The following MYO6 variants were observed in gnomAD, a reference collection of about 807,000 sequenced individuals.
The protein encoded by MYO6 is unconventional myosin-VI.
A neutral mutation model predicts 178.7 loss-of-function variants in MYO6; 74 were observed. The ratio of observed to expected loss-of-function variants is 0.41; its 90% CI spans 0.34 to 0.50. MYO6 has a LOEUF of 0.50. Among genes scored for constraint, MYO6 ranks in the 20% least tolerant of loss-of-function variants. The pLI, the probability that MYO6 is intolerant of heterozygous loss-of-function variation, is 0.09. For missense variants in MYO6, 1,330 were observed against 1,547.4 expected, an observed-to-expected ratio of 0.86 and a Z score of 2.36; for synonymous variants, 477 against 504.6, an observed-to-expected ratio of 0.95 and a Z score of 0.73.
intron 7 of MYO6, among the ~76,000 whole-genome samples, chr6:75,838,897 T>C (rs1179741278): frequency 6.6e-6 from 1 of 151,948 alleles, no homozygotes; most frequent in South Asian, 2.1e-4. Context: ...CCTGACCCCA[T>C]GATCCGCCCA....
intron 1 of MYO6, among the ~76,000 whole-genome samples, chr6:75,806,033 G>T (rs924418344): frequency 6.6e-6 from 1 of 152,016 alleles, no homozygotes; most frequent in African/African-American, 2.4e-5. Context: ...AAAGAATTTT[G>T]TCATCTTTGG....
chr6:75,902,807 A>G (rs960407204), intron 30 of MYO6, among the ~76,000 whole-genome samples: 4 of 150,078 alleles, frequency 2.7e-5, no homozygotes, highest in African/African-American at 7.4e-5. Context: ...AGTTCTTTTA[A>G]TTGTGATGTT....
chr6:75,776,653 A>AGTGTGTAT (rs1554193717), intron 1 of MYO6, among the ~76,000 whole-genome samples: 5 of 144,660 alleles, frequency 3.5e-5, no homozygotes, highest in African/African-American at 1.3e-4. Flanking sequence ...AGAAACGTGC[A>AGTGTGTAT]GTGTGTGTGT....
chr6:75,904,079 G>A (rs1401371397), intron 30 of MYO6, among the ~76,000 whole-genome samples: 2 of 152,176 alleles, frequency 1.3e-5, no homozygotes, highest in Non-Finnish European at 2.9e-5. Context: ...GGCTTGTAGA[G>A]TTTCTGCCAA....
At chr6:75,799,978 T>C (rs1246953511) in intron 1 of MYO6, among the ~76,000 whole-genome samples, 1 of 152,184 alleles carries the variant, frequency 6.6e-6, no homozygotes, top group Non-Finnish European at 1.5e-5. Flanking sequence ...TTTAGGAGTT[T>C]CTAGGATCTT....
chr6:75,833,732 T>C (rs1411850283), intron 6 of MYO6, among the ~76,000 whole-genome samples: 1 of 152,208 alleles, frequency 6.6e-6, no homozygotes, highest in Non-Finnish European at 1.5e-5. Context: ...TACATTTTGT[T>C]TATCCATGCA....
At chr6:75,809,163 G>A (rs1770418121) in intron 1 of MYO6, among the ~76,000 whole-genome samples, 1 of 152,220 alleles carries the variant, frequency 6.6e-6, no homozygotes, top group African/African-American at 2.4e-5. Flanking sequence ...AAAAATGTTT[G>A]TAGCTATCTT....
intron 1 of MYO6, among the ~76,000 whole-genome samples, chr6:75,753,060 G>T (rs763861111): frequency 1.1e-4 from 16 of 152,030 alleles, no homozygotes; most frequent in Non-Finnish European, 1.6e-4. Flanking sequence ...ATGGTCTGTG[G>T]AATATCCCTT....
At chr6:75,797,472 G>A (rs1253036079) in intron 1 of MYO6, among the ~76,000 whole-genome samples, 1 of 152,012 alleles carries the variant, frequency 6.6e-6, no homozygotes, top group African/African-American at 2.4e-5. Flanking sequence ...TTTTCCTTTG[G>A]GTATATACCC....
intron 1 of MYO6, among the ~76,000 whole-genome samples, chr6:75,769,923 G>A (rs1562131829): frequency 6.6e-6 from 1 of 152,036 alleles, no homozygotes; most frequent in Non-Finnish European, 1.5e-5. Flanking sequence ...AAAGAATAGA[G>A]TTGAGTGCCT....
chr6:75,845,942 G>A (rs994661994), intron 10 of MYO6, among the ~76,000 whole-genome samples: 1 of 149,064 alleles, frequency 6.7e-6, no homozygotes, highest in Non-Finnish European at 1.5e-5. Context: ...AGTGGAGATC[G>A]CACCACTGTA....
intron 1 of MYO6, among the ~76,000 whole-genome samples, chr6:75,795,386 T>G (rs1457833641): frequency 1.3e-5 from 2 of 152,180 alleles, no homozygotes; most frequent in African/African-American, 4.8e-5. Flanking sequence ...TTGCCATGCT[T>G]TATGAGCTGG....
chr6:75,908,653 C>T lies in MYO6; in HGVS notation c.3412+26C>T, dbSNP rs535863730. ...GTAAAGAGAAATCTGTACTTTTGAA[C>T]GTTTTAAAATATATGTATATAAATG... is the stretch of plus-strand genomic sequence containing the variant. On this transcript the variant is annotated intron_variant, in intron 32 of 34. Coordinates refer to ENST00000369977, the MANE Select transcript of MYO6 (RefSeq NM_004999.4). The T allele has an allele frequency of 5.1e-5, 82 of 1,609,456 alleles. 3 individuals are homozygous for T. In the South Asian group the frequency reaches 5.4e-4, roughly 11 times the overall value.
intron 20 of MYO6, among the ~76,000 whole-genome samples, chr6:75,878,355 G>A (rs964623883): frequency 6.6e-5 from 10 of 151,984 alleles, no homozygotes; most frequent in Non-Finnish European, 1.2e-4. Flanking sequence ...AGGACATCTG[G>A]ACATTGTCCA....
intron 27 of MYO6, 136 bp from the exon 28 acceptor site, chr6:75,892,394 A>T: frequency 3.5e-6 from 4 of 1,128,226 alleles, no homozygotes; most frequent in Non-Finnish European, 5.4e-6. Context: ...GACTGAAGAG[A>T]TCTGTGCTTA....
intron 29 of MYO6, 73 bp from the exon 30 acceptor site, chr6:75,898,300 C>T: frequency 1.0e-6 from 1 of 969,868 alleles, no homozygotes; most frequent in Non-Finnish European, 1.6e-6. Context: ...TTTAATTATA[C>T]TTTTAGATCT....
intron 1 of MYO6, among the ~76,000 whole-genome samples, chr6:75,802,455 C>T (rs1400346648): frequency 6.9e-6 from 1 of 145,784 alleles, no homozygotes; most frequent in Non-Finnish European, 1.5e-5. Flanking sequence ...GGTGACAGAG[C>T]GAGACTCAGT....
In MYO6 at chr6:75,873,211, C is replaced by G; in HGVS notation, c.1988C>G (p.Ala663Gly). ...LLLDKLRSTG[A>G]SFIRCIKPNL... ...AAAGTACCTTTATTTTCCTAGGGAG[C>G]AAGCTTTATTCGTTGCATCAAACCT... Residue 663 changes from alanine to glycine, a missense_variant, in exon 20 of 35, where the codon GCA (alanine) becomes GGA (glycine). Ala to Gly is a moderately conservative substitution (Grantham distance 60). Around this residue, in one of 3 missense-constraint regions of MYO6, gnomAD observed 613 missense variants for 816.8 expected, o/e 0.75. Coordinates refer to ENST00000369977, the MANE Select transcript of MYO6 (RefSeq NM_004999.4). The G allele has an allele frequency of 6.2e-7, 1 of 1,613,606 alleles. No individual in the cohort carries two copies. The highest frequency in any genetic ancestry group is 8.5e-7 in the Non-Finnish European group (1 of 1,179,592).
chr6:75,785,618 G>T (rs1767478565), intron 1 of MYO6, among the ~76,000 whole-genome samples: 1 of 151,320 alleles, frequency 6.6e-6, no homozygotes, highest in Admixed American at 6.6e-5. Flanking sequence ...TGCTACCACT[G>T]CCTGGCTTTT....
Sources: allele counts gnomAD v4.1 joint callset (sites outside exome capture counted in the v4.1 genomes callset), GRCh38; gene constraint gnomAD v4.1.1; regional missense constraint gnomAD v4.1.1; transcripts MANE v1.5; gene names NCBI Gene and HGNC (gene_info 2026-07-23, HGNC 2026-07-21).